BMPER: variants seen among roughly 807,000 people sequenced by gnomAD.
BMPER encodes BMP-binding endothelial regulator protein.
Under a neutral mutation model 87.3 loss-of-function variants are expected in BMPER, and 45 were observed. The ratio of observed to expected loss-of-function variants is 0.52; its 90% CI spans 0.41 to 0.66. The LOEUF is 0.66. Ranked by LOEUF, BMPER falls within the 30% of genes least tolerant of loss-of-function variation. The pLI, the probability that BMPER is intolerant of heterozygous loss-of-function variation, is 0.00. For missense variants in BMPER, 784 were observed against 867.5 expected, an observed-to-expected ratio of 0.90 and a Z score of 1.21; for synonymous variants, 326 against 316.2, an observed-to-expected ratio of 1.03 and a Z score of -0.33.
intron 6 of BMPER, among the ~76,000 whole-genome samples, chr7:33,999,814 A>G (rs1050143029): frequency 1.3e-5 from 2 of 152,364 alleles, no homozygotes; most frequent in East Asian, 3.9e-4. Context: ...TAGAGAGCAC[A>G]TCTTATCCTC....
intron 2 of BMPER, among the ~76,000 whole-genome samples, chr7:33,932,041 C>T (rs1784492329): frequency 6.6e-6 from 1 of 152,174 alleles, no homozygotes; most frequent in African/African-American, 2.4e-5. Flanking sequence ...TGTCTCCCTC[C>T]CGCAGCACTG....
At position 34,058,095 on chromosome 7, in the gene BMPER, T is replaced by C. The variant is rs559344156; in HGVS notation, c.964T>C (p.Cys322Arg). 1 of 1,614,168 alleles carries C rather than the reference T, an allele frequency of 6.2e-7. No individual in the cohort carries two copies. Among genetic ancestry groups the C allele is most frequent in the Admixed American group, 1.7e-5 (1 of 60,020 alleles). The change falls in exon 10 of 15, where the codon TGT (cysteine) becomes CGT (arginine). Residue 322 changes from cysteine (C) to arginine (R), a missense_variant. By Grantham distance (180) the Cys-to-Arg change is radical. Coordinates refer to ENST00000649409, the MANE Select transcript of BMPER (RefSeq NM_001365308.1). ...GTGGTCCTCTATCAATTGTACCATC[T>C]GTGCTTGTGTGAAAGGCAGGACGGA... Reference protein sequence around the residue: ...EMWSSINCTICACVKGRTECR... With the variant: ...EMWSSINCTIRACVKGRTECR...
intron 2 of BMPER, among the ~76,000 whole-genome samples, chr7:33,929,136 C>T (rs1303434616): frequency 2.0e-5 from 3 of 152,122 alleles, no homozygotes; most frequent in African/African-American, 4.8e-5. Flanking sequence ...TGAGCTGGGC[C>T]GGAGGAGGCG....
At chr7:34,122,194 A>G (rs1210251461) in intron 13 of BMPER, among the ~76,000 whole-genome samples, 5 of 152,146 alleles carry the variant, frequency 3.3e-5, no homozygotes, top group Non-Finnish European at 5.9e-5. Context: ...CAGATTAGTA[A>G]GATATCTGGG....
intron 13 of BMPER, among the ~76,000 whole-genome samples, chr7:34,102,943 C>T (rs1789720639): frequency 6.6e-6 from 1 of 152,096 alleles, no homozygotes; most frequent in Non-Finnish European, 1.5e-5. Flanking sequence ...GGATGAGGTG[C>T]CCTGTAAGCT....
At chr7:34,075,174 A>G (rs1043422618) in intron 11 of BMPER, among the ~76,000 whole-genome samples, 4 of 152,240 alleles carry the variant, frequency 2.6e-5, no homozygotes, top group African/African-American at 9.6e-5. Context: ...TATTGGCACT[A>G]TAATTTCAGA....
intron 3 of BMPER, among the ~76,000 whole-genome samples, chr7:33,948,994 T>G (rs1274359366): frequency 2.6e-5 from 4 of 152,126 alleles, no homozygotes; most frequent in African/African-American, 9.7e-5. Context: ...CACAGCCCCC[T>G]TCTCCCTCCA....
chr7:34,148,753 A>G (rs113160244), intron 14 of BMPER, among the ~76,000 whole-genome samples: 1,748 of 152,304 alleles, frequency 0.011, 28 homozygotes, highest in African/African-American at 0.039. Context: ...TTGAGAGGTC[A>G]GAGAGAGGAA....
At chr7:34,061,613 C>A (rs1024807) in intron 10 of BMPER, among the ~76,000 whole-genome samples, 56,999 of 151,894 alleles carry the variant, frequency 0.38, 11,896 homozygotes, top group African/African-American at 0.56. Context: ...GTAGGGTTCG[C>A]TAGGTTGACA....
intron 2 of BMPER, among the ~76,000 whole-genome samples, chr7:33,916,010 G>A (rs1438317500): frequency 6.6e-6 from 1 of 152,156 alleles, no homozygotes; most frequent in Non-Finnish European, 1.5e-5. Flanking sequence ...GCCGTGGTCG[G>A]CACTTTAGAA....
chr7:33,953,086 T>C (rs1785065317), intron 3 of BMPER, among the ~76,000 whole-genome samples: 1 of 152,236 alleles, frequency 6.6e-6, no homozygotes, highest in Non-Finnish European at 1.5e-5. Flanking sequence ...GTCCTCTGAC[T>C]GTCGGAGAGT....
At chr7:34,132,798 T>C (rs191690936) in intron 13 of BMPER, among the ~76,000 whole-genome samples, 9 of 152,250 alleles carry the variant, frequency 5.9e-5, no homozygotes, top group Admixed American at 3.9e-4. Flanking sequence ...CTTTACAAAC[T>C]AAGAATCAGG....
intron 6 of BMPER, among the ~76,000 whole-genome samples, chr7:33,993,223 G>T (rs1292884347): frequency 1.6e-4 from 24 of 150,080 alleles, no homozygotes; most frequent in Non-Finnish European, 1.5e-5. Context: ...TTTCCAACTT[G>T]GTTCCATTCT....
intron 3 of BMPER, among the ~76,000 whole-genome samples, chr7:33,952,749 C>T (rs1215290977): frequency 1.3e-5 from 2 of 152,160 alleles, no homozygotes; most frequent in African/African-American, 4.8e-5. Flanking sequence ...CTTGTAGTTT[C>T]TTCAGAAGTT....
intron 6 of BMPER, among the ~76,000 whole-genome samples, chr7:34,023,206 A>T (rs538629841): frequency 6.6e-6 from 1 of 152,184 alleles, no homozygotes; most frequent in South Asian, 2.1e-4. Flanking sequence ...TCATAGCAGG[A>T]TCCACTGCTG....
chr7:34,075,600 CG>C (rs1348265840), intron 11 of BMPER, among the ~76,000 whole-genome samples: 1 of 152,172 alleles, frequency 6.6e-6, no homozygotes, highest in East Asian at 1.9e-4. Flanking sequence ...TTCTGACTTA[CG>C]CATATTCAAA....
chr7:34,011,583 C>CAAAAAAAAAAAAA (rs36022297), intron 6 of BMPER, among the ~76,000 whole-genome samples: 28 of 45,744 alleles, frequency 6.1e-4, no homozygotes, highest in East Asian at 1.5e-3. Context: ...TTGGTCAGGG[C>CAAAAAAAAAAAAA]AAAAAAAAAA....
intron 6 of BMPER, among the ~76,000 whole-genome samples, chr7:34,005,578 A>AT (rs775358372): frequency 1.3e-5 from 2 of 151,210 alleles, no homozygotes; most frequent in Non-Finnish European, 3.0e-5. Flanking sequence ...CTCCTATTTT[A>AT]TTTTTTGCAG....
At chr7:34,109,855 A>G (rs914995741) in intron 13 of BMPER, among the ~76,000 whole-genome samples, 6 of 152,210 alleles carry the variant, frequency 3.9e-5, no homozygotes, top group African/African-American at 1.4e-4. Context: ...ACCAGTACCA[A>G]TGGGTTAGTT....
Sources: allele counts gnomAD v4.1 joint callset (sites outside exome capture counted in the v4.1 genomes callset), GRCh38; gene constraint gnomAD v4.1.1; transcripts MANE v1.5; gene names NCBI Gene and HGNC (gene_info 2026-07-23, HGNC 2026-07-21).